Variants in PCDH17 observed in about 807,000 individuals in gnomAD.
PCDH17 encodes protocadherin-17.
In PCDH17, 21 loss-of-function variants were observed where a neutral mutation model predicts 67.7. The ratio of observed to expected loss-of-function variants is 0.31; its 90% CI spans 0.22 to 0.45. The LOEUF (loss-of-function observed/expected upper bound fraction) is 0.45. Ranked by LOEUF, PCDH17 falls within the 20% of genes least tolerant of loss-of-function variation. The pLI is 1.00. For synonymous variants in PCDH17, 701 were observed against 656.7 expected (o/e 1.07, Z -1.03); for missense variants, 1,471 against 1,564.8 (o/e 0.94, Z 1.01).
At chr13:57,702,156 G>A (rs1193420018) in intron 3 of PCDH17, among the ~76,000 whole-genome samples, 1 of 151,972 alleles carries the variant, frequency 6.6e-6, no homozygotes, top group Admixed American at 6.5e-5. Flanking sequence ...GACCTCTGGT[G>A]ATCCACCGCC....
chr13:57,666,930 C>T (rs1566228072), intron 3 of PCDH17, 97 bp downstream of exon 3: 1 of 912,236 alleles, frequency 1.1e-6, no homozygotes, highest in East Asian at 2.7e-5. Flanking sequence ...GTGGAATGGA[C>T]CATTTATAAT....
At position 57,728,554 on chromosome 13, in the gene PCDH17, C is replaced by T. The variant is rs1052087382; in HGVS notation, c.*3260C>T. On this transcript the variant is annotated 3_prime_UTR_variant, in exon 4 of 4. Transcript: ENST00000377918. The stretch of plus-strand genomic sequence containing the variant: ...AAAAAAAAAAAAGCAACAAAATAAC[C>T]TTTTCATCAGAGTTAAAAGTAGTGA... The T allele has an allele frequency of 7.1e-6, 1 of 140,208 alleles. No homozygotes were observed. The highest frequency in any genetic ancestry group is 1.5e-5 in the Non-Finnish European group (1 of 64,954). The allele number at this position is 140,208 out of a possible 1,614,324, so 8.7% of individuals were successfully genotyped here.
intron 3 of PCDH17, among the ~76,000 whole-genome samples, chr13:57,696,317 A>G (rs1955608091): frequency 6.6e-6 from 1 of 151,398 alleles, no homozygotes; most frequent in Admixed American, 6.6e-5. Flanking sequence ...TTAAATCTTT[A>G]TTTTTAGACA....
chr13:57,707,749 G>T (rs1955734332), intron 3 of PCDH17, among the ~76,000 whole-genome samples: 1 of 151,972 alleles, frequency 6.6e-6, no homozygotes, highest in Admixed American at 6.6e-5. Flanking sequence ...TTCTAGGAGA[G>T]GACCCTTCCT....
At chr13:57,660,844 G>C (rs1955173461) in intron 1 of PCDH17, among the ~76,000 whole-genome samples, 1 of 152,112 alleles carries the variant, frequency 6.6e-6, no homozygotes, top group African/African-American at 2.4e-5. Flanking sequence ...ATTCATTCGG[G>C]TTGTTACAAC....
intron 1 of PCDH17, among the ~76,000 whole-genome samples, chr13:57,655,322 A>T (rs745560163): frequency 1.8e-4 from 28 of 152,056 alleles, no homozygotes; most frequent in South Asian, 4.1e-4. Flanking sequence ...CTAATTGATG[A>T]TTTAATATTT....
At chr13:57,686,897 C>T (rs1240927141) in intron 3 of PCDH17, among the ~76,000 whole-genome samples, 1 of 151,974 alleles carries the variant, frequency 6.6e-6, no homozygotes, top group African/African-American at 2.4e-5. Flanking sequence ...GCCTAGAACG[C>T]ACTGTGGTCT....
rs373814446 is a variant in PCDH17, at chr13:57,640,966, G to T, written c.2565+5855G>T. Reference sequence around the variant, plus strand: ...GTACTTCTGTTTAATAAATCCCATAGGGCATTATCTTAAGGTTGTATTTTA... The same window carrying T: ...GTACTTCTGTTTAATAAATCCCATATGGCATTATCTTAAGGTTGTATTTTA... On this transcript the variant is annotated intron_variant, in intron 1 of 3. Coordinates refer to ENST00000377918, the MANE Select transcript of PCDH17 (RefSeq NM_001040429.3). 2.6e-5 allele frequency among the ~76,000 whole-genome samples: 4 copies of T among 152,040 alleles called. No homozygotes were observed. In the East Asian group the frequency reaches 7.7e-4, roughly 29 times the overall value.
chr13:57,667,309 T>C (rs1201126828), intron 3 of PCDH17, among the ~76,000 whole-genome samples: 1 of 152,174 alleles, frequency 6.6e-6, no homozygotes, highest in Non-Finnish European at 1.5e-5. Context: ...TCAAGAGTCA[T>C]AGGTAAACCA....
chr13:57,683,986 TC>T (rs1215558294), intron 3 of PCDH17, among the ~76,000 whole-genome samples: 5 of 151,276 alleles, frequency 3.3e-5, no homozygotes, highest in African/African-American at 4.8e-5. Flanking sequence ...TTAAATAGTT[TC>T]TAAAGAGAGG....
intron 1 of PCDH17, among the ~76,000 whole-genome samples, chr13:57,646,625 T>C (rs1023041527): frequency 6.6e-6 from 1 of 151,642 alleles, no homozygotes; most frequent in African/African-American, 2.4e-5. Context: ...GTAGCTGAAA[T>C]AAAAAGTGAA....
At chr13:57,685,409 G>T (rs900090069) in intron 3 of PCDH17, among the ~76,000 whole-genome samples, 1 of 151,836 alleles carries the variant, frequency 6.6e-6, no homozygotes, top group African/African-American at 2.4e-5. Flanking sequence ...ACAGCTATTT[G>T]TGCCACTATA....
chr13:57,643,706 G>A (rs1477003605), intron 1 of PCDH17, among the ~76,000 whole-genome samples: 1 of 151,566 alleles, frequency 6.6e-6, no homozygotes, highest in African/African-American at 2.4e-5. Flanking sequence ...TTTCATTGTG[G>A]TAATATTAAG....
chr13:57,696,293 T>C (rs1955607867), intron 3 of PCDH17, among the ~76,000 whole-genome samples: 1 of 151,428 alleles, frequency 6.6e-6, no homozygotes, highest in Admixed American at 6.6e-5. Context: ...AAATTGCAGA[T>C]AACATAAAAT....
intron 3 of PCDH17, among the ~76,000 whole-genome samples, chr13:57,672,670 C>A (rs540147602): frequency 6.6e-6 from 1 of 151,972 alleles, no homozygotes; most frequent in Admixed American, 6.6e-5. Flanking sequence ...AGTTACTTTA[C>A]AATCTTCCCT....
chr13:57,643,411 AATT>A (rs747013909), intron 1 of PCDH17, among the ~76,000 whole-genome samples: 28 of 151,638 alleles, frequency 1.8e-4, no homozygotes, highest in Non-Finnish European at 8.9e-5. Context: ...ATTTTATATA[AATT>A]ATTAGTCATA....
At chr13:57,724,570 A>G (rs752261466) in intron 3 of PCDH17, 42 bp from the exon 4 acceptor site, 10 of 1,524,540 alleles carry the variant, frequency 6.6e-6, no homozygotes, top group Non-Finnish European at 9.0e-6. Context: ...TTTAAAGAAA[A>G]CTCTAATGAT....
At chr13:57,691,663 C>T (rs994711840) in intron 3 of PCDH17, among the ~76,000 whole-genome samples, 2 of 151,172 alleles carry the variant, frequency 1.3e-5, no homozygotes, top group Non-Finnish European at 3.0e-5. Flanking sequence ...AAAAGCTTTA[C>T]ATATAGCTTC....
intron 3 of PCDH17, among the ~76,000 whole-genome samples, chr13:57,713,097 A>G (rs1351095490): frequency 6.6e-6 from 1 of 151,622 alleles, no homozygotes; most frequent in Non-Finnish European, 1.5e-5. Context: ...GTTTGATTAC[A>G]TAGCAGGATA....
Sources: gnomAD v4.1 joint callset for allele counts (sites outside exome capture counted in the v4.1 genomes callset) on GRCh38, gnomAD v4.1.1 for gene constraint, MANE v1.5 for transcripts, NCBI Gene and HGNC (gene_info 2026-07-23, HGNC 2026-07-21) for gene names.